The following PREP variants were observed in gnomAD, a reference collection of about 807,000 sequenced individuals.
The protein encoded by PREP is prolyl endopeptidase, also known as dJ355L5.1 (prolyl endopeptidase).
A neutral mutation model predicts 87.6 loss-of-function variants in PREP; 29 were observed. That is an observed-to-expected ratio of 0.33 (90% CI 0.25 to 0.45). The LOEUF is 0.45. Among genes scored for constraint, PREP ranks in the 20% least tolerant of loss-of-function variants. PREP has a pLI of 1.00. For missense variants in PREP, 695 were observed against 886.5 expected, an observed-to-expected ratio of 0.78 and a Z score of 2.74; for synonymous variants, 337 against 328.6, an observed-to-expected ratio of 1.03 and a Z score of -0.28.
chr6:105,373,629 A>C, intron 4 of PREP, 51 bp from the exon 5 acceptor site: 3 of 1,521,728 alleles, frequency 2.0e-6, no homozygotes, highest in South Asian at 1.1e-5. Flanking sequence ...ACACAACTCC[A>C]CGGTCCTTTA....
intron 1 of PREP, among the ~76,000 whole-genome samples, chr6:105,400,756 G>A (rs1773407408): frequency 1.3e-5 from 2 of 152,142 alleles, no homozygotes; most frequent in Admixed American, 6.5e-5. Flanking sequence ...TGCCCAAAAA[G>A]GCAGAACTCC....
At chr6:105,345,283 T>C (rs1412853579) in intron 7 of PREP, among the ~76,000 whole-genome samples, 2 of 152,260 alleles carry the variant, frequency 1.3e-5, no homozygotes, top group African/African-American at 4.8e-5. Context: ...CTACCTTCTC[T>C]GAGGTTCTTT....
chr6:105,374,144 G>A (rs1317981302), intron 4 of PREP, among the ~76,000 whole-genome samples: 3 of 152,170 alleles, frequency 2.0e-5, no homozygotes, highest in Non-Finnish European at 4.4e-5. Flanking sequence ...AAGCCTGAGG[G>A]TTTGCAGTGA....
chr6:105,280,827 C>T (rs1308952802), intron 14 of PREP: 2 of 152,278 alleles, frequency 1.3e-5, no homozygotes, highest in African/African-American at 4.8e-5. Flanking sequence ...CCTTGGCCTC[C>T]CAAAGTGCTG....
intron 3 of PREP, among the ~76,000 whole-genome samples, chr6:105,377,051 T>A (rs1772703973): frequency 6.6e-6 from 1 of 152,236 alleles, no homozygotes. Context: ...TTCCAAGTAG[T>A]ATACATCAAA....
chr6:105,328,719 T>G, intron 9 of PREP, 110 bp downstream of exon 9: 1 of 1,191,298 alleles, frequency 8.4e-7, no homozygotes. Flanking sequence ...TTGGCTATAA[T>G]ACAGCATATG....
chr6:105,371,553 TGAAA>T (rs1772548998), intron 5 of PREP, among the ~76,000 whole-genome samples: 1 of 145,410 alleles, frequency 6.9e-6, no homozygotes. Flanking sequence ...AATATCAAAC[TGAAA>T]GTAATTAACT....
chr6:105,289,005 GA>G, intron 10 of PREP, 111 bp from the exon 11 acceptor site: 1 of 1,086,638 alleles, frequency 9.2e-7, no homozygotes, highest in Non-Finnish European at 1.3e-6. Flanking sequence ...GTAGCACAGT[GA>G]AAACCTAGTA....
chr6:105,282,820 A>AACTT (rs1464343531), intron 12 of PREP, among the ~76,000 whole-genome samples: 13 of 152,234 alleles, frequency 8.5e-5, no homozygotes, highest in African/African-American at 2.7e-4. Context: ...AAGCCTCTAG[A>AACTT]ACTTAAACGG....
chr6:105,359,234 GGA>G (rs1462182845), intron 6 of PREP, among the ~76,000 whole-genome samples: 2 of 152,100 alleles, frequency 1.3e-5, no homozygotes, highest in African/African-American at 4.8e-5. Flanking sequence ...TGCTCAGGTG[GGA>G]GAGACAGATA....
chr6:105,402,976 C>G lies in PREP; in HGVS notation c.-85G>C, dbSNP rs1399487857. On this transcript the variant is annotated 5_prime_UTR_variant, in exon 1 of 15. Coordinates refer to ENST00000652536, the MANE Select transcript of PREP (RefSeq NM_002726.5). ...TAGCCGGGCTGGCCGCGAGGCGCGGCTGGGGCGCAGGCAGCTGCGGGGCGG... is the reference window on the plus strand; with the variant it reads ...TAGCCGGGCTGGCCGCGAGGCGCGGGTGGGGCGCAGGCAGCTGCGGGGCGG... 1 of 698,356 alleles carries G rather than the reference C, an allele frequency of 1.4e-6. No homozygotes were observed. Among genetic ancestry groups the G allele is most frequent in the Admixed American group, 4.0e-5 (1 of 24,994 alleles). 43.3% of individuals were successfully genotyped at this position (698,356 alleles called of 1,614,324 possible).
intron 6 of PREP, among the ~76,000 whole-genome samples, chr6:105,364,583 C>T (rs1772337602): frequency 6.6e-6 from 1 of 152,168 alleles, no homozygotes; most frequent in South Asian, 2.1e-4. Flanking sequence ...CCACCCACAC[C>T]CACAAAGCCC....
intron 9 of PREP, 50 bp downstream of exon 9, chr6:105,328,779 A>G (rs1771239787): frequency 1.3e-6 from 2 of 1,585,984 alleles, no homozygotes. Context: ...AAGAAACCCA[A>G]ACACCAGTCG....
At position 105,274,937 on chromosome 6, in the gene PREP, C is replaced by A. The variant is rs956857821; in HGVS notation, c.*3207G>T. Among the ~76,000 whole-genome samples, 24 of 152,290 alleles carry A rather than the reference C, an allele frequency of 1.6e-4. No individual in the cohort carries two copies. Among genetic ancestry groups the A allele is most frequent in the African/African-American group, 5.5e-4 (23 of 41,554 alleles). ...CACACAGAGTGCTTGCAGCGGGTGG[C>A]ACAGGGTAAACATGAGCAAGATAAT... On this transcript the variant is annotated 3_prime_UTR_variant, in exon 15 of 15. Coordinates refer to ENST00000652536, the MANE Select transcript of PREP (RefSeq NM_002726.5).
intron 5 of PREP, among the ~76,000 whole-genome samples, chr6:105,371,314 C>A (rs947253379): frequency 2.6e-5 from 4 of 151,906 alleles, no homozygotes; most frequent in South Asian, 2.1e-4. Context: ...ACCAGCATGG[C>A]CAATATGGTG....
At chr6:105,339,657 G>A (rs1473265779) in intron 7 of PREP, among the ~76,000 whole-genome samples, 2 of 152,008 alleles carry the variant, frequency 1.3e-5, no homozygotes, top group African/African-American at 4.8e-5. Context: ...TTACATGAAG[G>A]GCTAACCAGA....
At chr6:105,304,585 T>A (rs575007341) in intron 10 of PREP, among the ~76,000 whole-genome samples, 1 of 152,174 alleles carries the variant, frequency 6.6e-6, no homozygotes, top group African/African-American at 2.4e-5. Context: ...TGTGCTCCCA[T>A]GTGTCCCCGT....
Position 105,282,488 on chromosome 6 carries a change from C to T in PREP, c.1644G>A (p.Leu548=), listed in dbSNP as rs773860328. The T allele has an allele frequency of 6.2e-7, 1 of 1,614,112 alleles. No homozygotes were observed. Among genetic ancestry groups the T allele is most frequent in the Non-Finnish European group, 8.5e-7 (1 of 1,179,992 alleles). ...IKEGYTSPKR[L]TINGGSNGGL... ...CTCCATTTGAACCTCCATTAATAGT[C>T]AGCCTCTTGGGAGATGTGTAACCTT... Residue 548 remains leucine (L), a synonymous_variant, in exon 13 of 15, where the codon CTG becomes CTA. Coordinates refer to ENST00000652536, the MANE Select transcript of PREP (RefSeq NM_002726.5).
At chr6:105,284,804 C>A (rs552092175) in intron 12 of PREP, among the ~76,000 whole-genome samples, 1 of 152,122 alleles carries the variant, frequency 6.6e-6, no homozygotes, top group African/African-American at 2.4e-5. Flanking sequence ...AAAATACAGA[C>A]GATCATTCAA....
Sources: gnomAD v4.1 joint callset for allele counts (sites outside exome capture counted in the v4.1 genomes callset) on GRCh38, gnomAD v4.1.1 for gene constraint, MANE v1.5 for transcripts, NCBI Gene and HGNC (gene_info 2026-07-23, HGNC 2026-07-21) for gene names.